RBFOX1: variants seen among roughly 807,000 people sequenced by gnomAD.
RBFOX1 encodes RNA binding fox-1 homolog 1.
In RBFOX1, 8 loss-of-function variants were observed where a neutral mutation model predicts 57.7. The ratio of observed to expected loss-of-function variants is 0.14; its 90% confidence interval spans 0.08 to 0.25. RBFOX1 has a LOEUF of 0.25. RBFOX1 is among the 10% of genes least tolerant of loss of function. The probability of loss-of-function intolerance (pLI) is 1.00; values close to 1 mark genes in which losing one functional copy is unlikely to be tolerated. For synonymous variants in RBFOX1, 326 were observed against 222.4 expected, an observed-to-expected ratio of 1.47 and a Z score of -4.15; for missense variants, 611 against 548.5, an observed-to-expected ratio of 1.11 and a Z score of -1.14.
chr16:6,702,632 C>T (rs2062032371), intron 3 of RBFOX1, among the ~76,000 whole-genome samples: 1 of 152,226 alleles, frequency 6.6e-6, no homozygotes, highest in South Asian at 2.1e-4. Context: ...TAAATGAGGT[C>T]ATACTTCTAA....
intron 3 of RBFOX1, among the ~76,000 whole-genome samples, chr16:6,694,951 A>C (rs1345567368): frequency 6.6e-6 from 1 of 152,056 alleles, no homozygotes; most frequent in Non-Finnish European, 1.5e-5. Flanking sequence ...GATGTTGCAT[A>C]GTTCAGTACC....
chr16:6,825,012 T>TTTTTTTTTTTTTTTTTG (rs2091935634), intron 3 of RBFOX1, among the ~76,000 whole-genome samples: 1 of 120,090 alleles, frequency 8.3e-6, no homozygotes, highest in Non-Finnish European at 1.6e-5. Context: ...TTTTTTTTTT[T>TTTTTTTTTTTTTTTTTG]TTGAGACGGC....
chr16:6,815,867 TTGAA>T (rs2089954925), intron 3 of RBFOX1, among the ~76,000 whole-genome samples: 1 of 152,220 alleles, frequency 6.6e-6, no homozygotes, highest in Non-Finnish European at 1.5e-5. Context: ...CTCAGTCTGT[TTGAA>T]TGGGTATAAT....
At chr16:6,864,995 C>CTTTTTTTTTTTTTTTTTTT (rs34341448) in intron 3 of RBFOX1, among the ~76,000 whole-genome samples, 5 of 82,530 alleles carry the variant, frequency 6.1e-5, no homozygotes, top group African/African-American at 2.8e-4. Flanking sequence ...TTTTCTTTTT[C>CTTTTTTTTTTTTTTTTTTT]TTTTTTTTTT....
At chr16:5,898,211 A>G (rs1289641524) in intron 4 of RBFOX1, among the ~76,000 whole-genome samples, 1 of 152,176 alleles carries the variant, frequency 6.6e-6, no homozygotes, top group Non-Finnish European at 1.5e-5. Context: ...TGAGAACAGC[A>G]TGAGGGTAAC....
At chr16:5,996,479 G>C (rs1445271020) in intron 4 of RBFOX1, among the ~76,000 whole-genome samples, 1 of 151,508 alleles carries the variant, frequency 6.6e-6, no homozygotes, top group Non-Finnish European at 1.5e-5. Flanking sequence ...CCAATAAGCA[G>C]TGAGAGGTTT....
intron 2 of RBFOX1, among the ~76,000 whole-genome samples, chr16:6,385,288 C>G (rs1351504145): frequency 6.6e-6 from 1 of 152,202 alleles, no homozygotes; most frequent in African/African-American, 2.4e-5. Flanking sequence ...TCTGCCTTTG[C>G]TACGTCCCAG....
In RBFOX1 at chr16:7,559,357, T is replaced by C. The variant is rs955273162; in HGVS notation, c.271-20420T>C. On this transcript the variant is annotated intron_variant, in intron 5 of 15. Transcript: ENST00000550418. The stretch of plus-strand genomic sequence containing the variant: ...ACCTAGTCTCTCTTTCTCCCTCTCT[T>C]CCTTTATATATTCTCATAGAAACTA... Among the ~76,000 whole-genome samples the C allele has an allele frequency of 3.3e-5, 5 of 152,282 alleles. No homozygotes were observed. The South Asian group carries it at 1.0e-3, about 32-fold the overall frequency.
intron 4 of RBFOX1, among the ~76,000 whole-genome samples, chr16:7,277,585 A>T (rs984177751): frequency 3.9e-5 from 6 of 152,154 alleles, no homozygotes; most frequent in African/African-American, 1.4e-4. Context: ...AGATCTTCAT[A>T]AAATACAGGT....
intron 1 of RBFOX1, among the ~76,000 whole-genome samples, chr16:5,441,057 G>T (rs1038870185): frequency 1.3e-5 from 2 of 152,126 alleles, no homozygotes; most frequent in African/African-American, 2.4e-5. Context: ...TGTCTCCAGG[G>T]TCACAGTGCC....
chr16:7,389,784 A>G (rs1024838100), intron 4 of RBFOX1, among the ~76,000 whole-genome samples: 2 of 152,156 alleles, frequency 1.3e-5, no homozygotes, highest in African/African-American at 4.8e-5. Context: ...TCTTGAGTAT[A>G]TAGAATGTTC....
At chr16:6,851,514 C>G (rs893130143) in intron 3 of RBFOX1, among the ~76,000 whole-genome samples, 2 of 152,112 alleles carry the variant, frequency 1.3e-5, no homozygotes, top group African/African-American at 2.4e-5. Flanking sequence ...GAAAGATATT[C>G]ACAACATATT....
At chr16:5,957,185 A>C (rs2059660214) in intron 4 of RBFOX1, among the ~76,000 whole-genome samples, 1 of 152,092 alleles carries the variant, frequency 6.6e-6, no homozygotes, top group Admixed American at 6.6e-5. Context: ...TGCTACGATC[A>C]CACTATGAGA....
chr16:7,567,867 C>G (rs1380952523), intron 5 of RBFOX1, among the ~76,000 whole-genome samples: 2 of 121,884 alleles, frequency 1.6e-5, no homozygotes, highest in Non-Finnish European at 1.7e-5. Flanking sequence ...ATATATATAC[C>G]TCTCTATATA....
chr16:6,328,564 G>A (rs1188268076), intron 2 of RBFOX1, among the ~76,000 whole-genome samples: 1 of 152,152 alleles, frequency 6.6e-6, no homozygotes, highest in African/African-American at 2.4e-5. Context: ...AGCAGTCCCA[G>A]TAGAAAATGC....
intron 1 of RBFOX1, among the ~76,000 whole-genome samples, chr16:5,438,988 T>C (rs1429776113): frequency 7.0e-6 from 1 of 142,950 alleles, no homozygotes; most frequent in Non-Finnish European, 1.5e-5. Flanking sequence ...TGACCACTTA[T>C]ACTGCATATT....
At chr16:7,327,561 G>T (rs935304736) in intron 4 of RBFOX1, among the ~76,000 whole-genome samples, 6 of 152,166 alleles carry the variant, frequency 3.9e-5, no homozygotes, top group African/African-American at 1.4e-4. Flanking sequence ...TCTGTTTTAT[G>T]CATTTTGTTT....
chr16:7,662,076 A>G (rs187046902), intron 12 of RBFOX1, among the ~76,000 whole-genome samples: 20 of 152,276 alleles, frequency 1.3e-4, no homozygotes, highest in African/African-American at 4.6e-4. Flanking sequence ...CAGCCATATC[A>G]AAGAACCCCA....
At chr16:6,600,639 G>A (rs772125637) in intron 2 of RBFOX1, among the ~76,000 whole-genome samples, 1 of 152,118 alleles carries the variant, frequency 6.6e-6, no homozygotes, top group Non-Finnish European at 1.5e-5. Flanking sequence ...AACAGTGGAC[G>A]GGACACATCT....
Sources: gnomAD v4.1 joint callset for allele counts (sites outside exome capture counted in the v4.1 genomes callset) on GRCh38, gnomAD v4.1.1 for gene constraint, MANE v1.5 for transcripts, NCBI Gene and HGNC (gene_info 2026-07-23, HGNC 2026-07-21) for gene names.